TMEM68: variants seen among roughly 807,000 people sequenced by gnomAD.
TMEM68 encodes transmembrane protein 68, also known as DGAT1/2-independent enzyme synthesizing storage lipids.
Under a neutral mutation model 36.9 loss-of-function variants are expected in TMEM68, and 25 were observed. That is an observed-to-expected ratio of 0.68 (90% CI 0.49 to 0.95). The LOEUF (loss-of-function observed/expected upper bound fraction) is 0.95. Ranked by LOEUF, TMEM68 falls within the 40% of genes least tolerant of loss-of-function variation. The pLI, the probability that TMEM68 is intolerant of heterozygous loss-of-function variation, is 0.00. For synonymous variants in TMEM68, 131 were observed against 124.4 expected, an observed-to-expected ratio of 1.05 and a Z score of -0.35; for missense variants, 333 against 392.0, an observed-to-expected ratio of 0.85 and a Z score of 1.27.
chr8:55,752,721 CTTTTTTTT>C (rs61195952), intron 4 of TMEM68, among the ~76,000 whole-genome samples: 1 of 102,756 alleles, frequency 9.7e-6, no homozygotes, highest in Non-Finnish European at 2.0e-5. Flanking sequence ...TATAGGATCC[CTTTTTTTT>C]TTTTTTTTTT....
intron 1 of TMEM68, among the ~76,000 whole-genome samples, chr8:55,764,191 T>C (rs1440457132): frequency 1.3e-5 from 2 of 152,226 alleles, no homozygotes; most frequent in Non-Finnish European, 2.9e-5. Context: ...CTACACTGTT[T>C]AGTGCCACTA....
At chr8:55,754,718 T>TATATATAAAATACATATATATA (rs1810535108) in intron 4 of TMEM68, among the ~76,000 whole-genome samples, 1 of 128,596 alleles carries the variant, frequency 7.8e-6, no homozygotes, top group Non-Finnish European at 1.6e-5. Context: ...ATATATATAT[T>TATATATAAAATACATATATATA]ATATATAAAA....
chr8:55,762,821 C>T lies in TMEM68; in HGVS notation c.139G>A (p.Val47Ile). ...ATTAAAAGTATTAGTGGTGTAAAAA[C>T]CCACAAGAGATAGTTTGCAAAATTC... ...YLNFANYLLWVFTPLILLILP... is the reference protein window; with the variant it reads ...YLNFANYLLWIFTPLILLILP... The change falls in exon 3 of 8, where the codon GTT becomes ATT. Residue 47 changes from valine to isoleucine, a missense_variant. By Grantham distance (29) the Val-to-Ile change is conservative. Transcript: ENST00000434581. 2.5e-6 allele frequency: 4 copies of T among 1,614,120 alleles called. No individual in the cohort carries two copies. Among genetic ancestry groups the T allele is most frequent in the Non-Finnish European group, 3.4e-6 (4 of 1,180,018 alleles).
intron 7 of TMEM68, among the ~76,000 whole-genome samples, 152 bp downstream of exon 7, chr8:55,743,329 A>G (rs1172644768): frequency 6.6e-6 from 1 of 152,190 alleles, no homozygotes; most frequent in Non-Finnish European, 1.5e-5. Context: ...TCCAGGGATT[A>G]GCAAATGTTC....
chr8:55,751,044 C>T lies in TMEM68; in HGVS notation c.607G>A (p.Ala203Thr). The T allele has an allele frequency of 6.2e-7, 1 of 1,614,064 alleles. No individual in the cohort carries two copies. Among genetic ancestry groups the T allele is most frequent in the Non-Finnish European group, 8.5e-7 (1 of 1,180,012 alleles). Residue 203 changes from alanine to threonine, a missense_variant, in exon 5 of 8, where the codon GCC (alanine) becomes ACC (threonine). Coordinates refer to ENST00000434581, the MANE Select transcript of TMEM68 (RefSeq NM_001286657.2). ...LAISPGGVRE[A>T]LISDETYNIV... ...TTATAAGTTTCATCACTAATTAGGG[C>T]TTCTCGAACTCCACCTGGTGAGATA... is the stretch of plus-strand genomic sequence containing the variant.
intron 7 of TMEM68, among the ~76,000 whole-genome samples, chr8:55,742,998 T>C (rs1810150251): frequency 6.6e-6 from 1 of 152,198 alleles, no homozygotes; most frequent in Non-Finnish European, 1.5e-5. Context: ...CCAGTTCTCT[T>C]TCAGTCAGCT....
chr8:55,740,037 C>A lies in TMEM68; in HGVS notation c.*95G>T. ...ATTAACATGATTTTTTTAAAAAATA[C>A]TAATTATAGGACCTACAAAATTCAG... is the stretch of plus-strand genomic sequence containing the variant. On this transcript the variant is annotated 3_prime_UTR_variant, in exon 8 of 8. Transcript: ENST00000434581. 1.2e-6 allele frequency: 1 copy of A among 862,836 alleles called. No homozygotes were observed. The highest frequency in any genetic ancestry group is 1.7e-6 in the Non-Finnish European group (1 of 581,478). 53.4% of individuals were successfully genotyped at this position (862,836 alleles called of 1,614,324 possible). A position where few individuals can be genotyped will look rare whatever the true frequency, so the allele number is the denominator to read the frequency against.
At chr8:55,753,964 C>T (rs1010646365) in intron 4 of TMEM68, among the ~76,000 whole-genome samples, 3 of 151,522 alleles carry the variant, frequency 2.0e-5, no homozygotes, top group African/African-American at 4.9e-5. Flanking sequence ...TGGTGGCAGG[C>T]GCCAGTAATC....
At chr8:55,767,264 A>G (rs1224977578) in intron 1 of TMEM68, among the ~76,000 whole-genome samples, 2 of 152,210 alleles carry the variant, frequency 1.3e-5, no homozygotes, top group Admixed American at 1.3e-4. Context: ...CATCATTATT[A>G]TTCACTTATA....
chr8:55,750,872 G>A (rs778888487), intron 5 of TMEM68, 92 bp downstream of exon 5: 61 of 1,299,722 alleles, frequency 4.7e-5, no homozygotes, highest in Admixed American at 7.2e-5. Context: ...CAGCGAAAGT[G>A]TCTAAGTTCT....
chr8:55,740,674 T>C (rs576697955), intron 7 of TMEM68, among the ~76,000 whole-genome samples: 1 of 152,234 alleles, frequency 6.6e-6, no homozygotes, highest in Non-Finnish European at 1.5e-5. Flanking sequence ...AATGGAAGAC[T>C]TAGTCCTTTC....
At chr8:55,754,544 A>G (rs1381584759) in intron 4 of TMEM68, among the ~76,000 whole-genome samples, 1 of 136,704 alleles carries the variant, frequency 7.3e-6, no homozygotes, top group Non-Finnish European at 1.5e-5. Flanking sequence ...CTTATATTAT[A>G]TATATAATAC....
At chr8:55,762,180 A>G (rs979144960) in intron 3 of TMEM68, 1 of 154,476 alleles carries the variant, frequency 6.5e-6, no homozygotes, top group Non-Finnish European at 1.4e-5. Flanking sequence ...AACCTCAGGA[A>G]TGAATCAACA....
intron 7 of TMEM68, 49 bp from the exon 8 acceptor site, chr8:55,740,267 A>T (rs368598803): frequency 2.6e-4 from 359 of 1,392,794 alleles, no homozygotes; most frequent in Non-Finnish European, 3.2e-4. Flanking sequence ...CTTAATATAG[A>T]CTGATTTATC....
chr8:55,765,896 A>T (rs1810948200), intron 1 of TMEM68, among the ~76,000 whole-genome samples: 1 of 152,210 alleles, frequency 6.6e-6, no homozygotes, highest in South Asian at 2.1e-4. Context: ...ATGATAAATC[A>T]TTCTATAAAG....
In TMEM68 at chr8:55,740,017, CATG is replaced by C; in HGVS notation, c.*112_*114del. 2 of 747,994 alleles carry C rather than the reference CATG, an allele frequency of 2.7e-6. No homozygotes were observed. Among genetic ancestry groups the C allele is most frequent in the Non-Finnish European group, 4.1e-6 (2 of 487,200 alleles). The allele number at this position is 747,994 out of a possible 1,614,324, so 46.3% of individuals were successfully genotyped here. ...GAATTCTGTGAAAGATGCTTATTAACATGATTTTTTTAAAAAATACTAATTATA... is the reference window on the plus strand; with the variant it reads ...GAATTCTGTGAAAGATGCTTATTAACATTTTTTTAAAAAATACTAATTATA... On this transcript the variant is annotated 3_prime_UTR_variant, in exon 8 of 8. Transcript: ENST00000434581.
intron 5 of TMEM68, chr8:55,745,342 T>C (rs1039321362): frequency 3.5e-6 from 1 of 286,898 alleles, no homozygotes; most frequent in African/African-American, 2.2e-5. Flanking sequence ...ACAAATTCAT[T>C]AGCATGGGGG....
intron 5 of TMEM68, chr8:55,747,447 TAAA>T (rs1810316631): frequency 6.6e-6 from 1 of 152,140 alleles, no homozygotes; most frequent in Non-Finnish European, 1.5e-5. Context: ...CACAAGAAGA[TAAA>T]GAAGACAAAA....
rs761816480 is a variant in TMEM68 at position 55,756,284 on chromosome 8, A to C, written c.453T>G (p.Thr151=). 6 of 1,605,032 alleles carry C rather than the reference A, an allele frequency of 3.7e-6. No individual in the cohort carries two copies. The highest frequency in any genetic ancestry group is 1.7e-6 in the Non-Finnish European group (2 of 1,177,758). Residue 151 remains threonine (T), a synonymous_variant, in exon 4 of 8, where the codon ACT becomes ACG. Transcript: ENST00000434581. ...MAKIFIHKGR[T]CRVVADHFVF... ...CAAAGTGATCAGCTACTACTCGGCAAGTTCTGCCTTTGTGTATAAATATTT... is the reference window on the plus strand; with the variant it reads ...CAAAGTGATCAGCTACTACTCGGCACGTTCTGCCTTTGTGTATAAATATTT...
Sources: allele counts gnomAD v4.1 joint callset (sites outside exome capture counted in the v4.1 genomes callset), GRCh38; gene constraint gnomAD v4.1.1; transcripts MANE v1.5; gene names NCBI Gene and HGNC (gene_info 2026-07-23, HGNC 2026-07-21).